Variants in RBFOX1 observed in about 807,000 individuals in gnomAD.
RBFOX1 encodes the protein RNA binding fox-1 homolog 1.
In RBFOX1, 8 loss-of-function variants were observed where a neutral mutation model predicts 57.7. The ratio of observed to expected loss-of-function variants is 0.14; its 90% CI spans 0.08 to 0.25. The LOEUF is 0.25. RBFOX1 is among the 10% of genes least tolerant of loss of function. The pLI, the probability that RBFOX1 is intolerant of heterozygous loss-of-function variation, is 1.00. For synonymous variants in RBFOX1, 326 were observed against 222.4 expected (o/e 1.47, Z -4.15); for missense variants, 611 against 548.5 (o/e 1.11, Z -1.14).
At chr16:6,642,947 T>G (rs1032780453) in intron 2 of RBFOX1, among the ~76,000 whole-genome samples, 2 of 152,210 alleles carry the variant, frequency 1.3e-5, no homozygotes, top group Admixed American at 1.3e-4. Flanking sequence ...GTTTGCTGTT[T>G]GTATGATTTC....
chr16:7,477,663 C>G (rs550033027), intron 4 of RBFOX1, among the ~76,000 whole-genome samples: 4 of 152,338 alleles, frequency 2.6e-5, no homozygotes, highest in East Asian at 1.9e-4. Context: ...ACATGCAAGT[C>G]AAGTCCACTG....
chr16:7,610,146 G>GTTTTTT (rs2057185345), intron 10 of RBFOX1, among the ~76,000 whole-genome samples: 1 of 49,386 alleles, frequency 2.0e-5, no homozygotes, highest in Non-Finnish European at 3.6e-5. Flanking sequence ...TTTTGAGGCA[G>GTTTTTT]TTTTGCTCTG....
chr16:7,468,360 G>A (rs1266240925), intron 4 of RBFOX1, among the ~76,000 whole-genome samples: 1 of 151,878 alleles, frequency 6.6e-6, no homozygotes. Context: ...CGTGTATCCC[G>A]ATTAGATTGT....
At chr16:7,158,800 G>A (rs45630530) in intron 4 of RBFOX1, among the ~76,000 whole-genome samples, 2 of 151,940 alleles carry the variant, frequency 1.3e-5, no homozygotes, top group African/African-American at 2.4e-5. Context: ...ATATGCGTTT[G>A]TGTGGTGTTT....
At chr16:6,951,529 T>C (rs2153525190) in intron 3 of RBFOX1, among the ~76,000 whole-genome samples, 2 of 152,252 alleles carry the variant, frequency 1.3e-5, no homozygotes, top group African/African-American at 2.4e-5. Context: ...GGAAGACTCA[T>C]AGAGTAGGAG....
At position 6,637,836 on chromosome 16, in the gene RBFOX1, C is replaced by G. The variant is rs150125795; in HGVS notation, c.-63-16767C>G. ...CCAAATCTTGGAGGTCCTTTCTGCA[C>G]TGGATTACAATTCTGAAACTCATCA... On this transcript the variant is annotated intron_variant, in intron 2 of 15. Transcript: ENST00000550418. 4.7e-3 allele frequency among the ~76,000 whole-genome samples: 710 copies of G among 152,106 alleles called. 10 individuals are homozygous for G. Among genetic ancestry groups the G allele is most frequent in the African/African-American group, 0.016 (644 of 41,498 alleles).
intron 3 of RBFOX1, among the ~76,000 whole-genome samples, chr16:6,880,264 C>T (rs547046589): frequency 6.6e-6 from 1 of 152,054 alleles, no homozygotes; most frequent in Admixed American, 6.6e-5. Context: ...CAGAGTTAAC[C>T]TTGGGGAAAA....
chr16:5,778,822 C>G (rs2054233701), intron 3 of RBFOX1, among the ~76,000 whole-genome samples: 1 of 152,196 alleles, frequency 6.6e-6, no homozygotes, highest in Non-Finnish European at 1.5e-5. Flanking sequence ...TACACGTCCT[C>G]TTGGTGCCTC....
At chr16:7,181,980 T>G (rs1292030614) in intron 4 of RBFOX1, among the ~76,000 whole-genome samples, 1 of 152,164 alleles carries the variant, frequency 6.6e-6, no homozygotes, top group African/African-American at 2.4e-5. Flanking sequence ...GTAACAGAGA[T>G]AGTGAATAAC....
chr16:7,379,736 G>C (rs1206486520), intron 4 of RBFOX1, among the ~76,000 whole-genome samples: 1 of 151,230 alleles, frequency 6.6e-6, no homozygotes, highest in Middle Eastern at 3.2e-3. Flanking sequence ...CTTCCTTTCT[G>C]CCTGCCTGCT....
At chr16:7,673,490 T>A (rs2072257837) in intron 13 of RBFOX1, among the ~76,000 whole-genome samples, 1 of 152,154 alleles carries the variant, frequency 6.6e-6, no homozygotes, top group Non-Finnish European at 1.5e-5. Context: ...GAGGATCGCT[T>A]GATCCCAGGA....
intron 3 of RBFOX1, among the ~76,000 whole-genome samples, chr16:6,749,124 C>G (rs920421127): frequency 2.6e-5 from 4 of 152,284 alleles, no homozygotes; most frequent in African/African-American, 2.4e-5. Context: ...CACTGAGCAA[C>G]TACTAGGAAG....
chr16:5,806,716 G>C (rs1427828588), intron 3 of RBFOX1, among the ~76,000 whole-genome samples: 2 of 152,210 alleles, frequency 1.3e-5, no homozygotes, highest in Non-Finnish European at 2.9e-5. Context: ...GGAAAGACAA[G>C]AGCTGAAAGC....
At chr16:7,316,935 T>G (rs2096452990) in intron 4 of RBFOX1, among the ~76,000 whole-genome samples, 1 of 149,806 alleles carries the variant, frequency 6.7e-6, no homozygotes, top group Non-Finnish European at 1.5e-5. Flanking sequence ...AGAGTTGGAT[T>G]TTTTGCCAAG....
At chr16:7,321,005 C>G (rs8052596) in intron 4 of RBFOX1, among the ~76,000 whole-genome samples, 1 of 151,546 alleles carries the variant, frequency 6.6e-6, no homozygotes, top group Non-Finnish European at 1.5e-5. Flanking sequence ...ATTGCTATTA[C>G]GATAAAAATA....
At position 6,001,147 on chromosome 16, in the gene RBFOX1, G is replaced by A. The variant is rs370716876; in HGVS notation, c.351+133812G>A. On this transcript the variant is annotated intron_variant, in intron 4 of 19. Transcript: ENST00000641259. ...TCTTCAGAATTACTGGTAAGCTGTT[G>A]TGAGCTAGAGGCAACAATATTTGAC... Among the ~76,000 whole-genome samples, 6 of 152,326 alleles carry A rather than the reference G, an allele frequency of 3.9e-5. No homozygotes were observed. In the South Asian group the frequency reaches 6.2e-4, roughly 16 times the overall value.
At chr16:6,230,490 T>TTA (rs1217588543) in intron 1 of RBFOX1, among the ~76,000 whole-genome samples, 1 of 152,116 alleles carries the variant, frequency 6.6e-6, no homozygotes, top group Non-Finnish European at 1.5e-5. Flanking sequence ...TGGTAGTGTA[T>TTA]TAGTCAGTGT....
chr16:6,328,618 C>G (rs1446948704), intron 2 of RBFOX1, among the ~76,000 whole-genome samples: 1 of 152,158 alleles, frequency 6.6e-6, no homozygotes, highest in Non-Finnish European at 1.5e-5. Context: ...TCTTGGCCCT[C>G]TATTCACTAT....
chr16:7,338,706 T>G (rs1054001604), intron 4 of RBFOX1, among the ~76,000 whole-genome samples: 1 of 152,194 alleles, frequency 6.6e-6, no homozygotes, highest in Admixed American at 6.5e-5. Flanking sequence ...GTAGTAACAA[T>G]GCAAATTATA....
Sources: gnomAD v4.1 joint callset for allele counts (sites outside exome capture counted in the v4.1 genomes callset) on GRCh38, gnomAD v4.1.1 for gene constraint, MANE v1.5 for transcripts, NCBI Gene and HGNC (gene_info 2026-07-23, HGNC 2026-07-21) for gene names.